The following NME8 variants were observed in gnomAD, a reference collection of about 807,000 sequenced individuals.
The protein encoded by NME8 is NME/NM23 family member 8.
In NME8, 72 loss-of-function variants were observed where a neutral mutation model predicts 82.3. The ratio of observed to expected loss-of-function variants is 0.87; its 90% CI spans 0.72 to 1.06. The LOEUF (loss-of-function observed/expected upper bound fraction) is 1.06, where lower values mean the gene tolerates loss of function less well. Among genes scored for constraint, NME8 ranks in the 50% least tolerant of loss-of-function variants. NME8 has a pLI of 0.00. For missense variants in NME8, 712 were observed against 685.4 expected (o/e 1.04, Z -0.43); for synonymous variants, 267 against 228.5 (o/e 1.17, Z -1.52).
At chr7:37,892,546 T>C (rs1785145498) in intron 15 of NME8, among the ~76,000 whole-genome samples, 1 of 151,836 alleles carries the variant, frequency 6.6e-6, no homozygotes, top group African/African-American at 2.4e-5. Context: ...CACACACGTG[T>C]AGACATGCTT....
intron 16 of NME8, among the ~76,000 whole-genome samples, chr7:37,894,826 T>G (rs1785195874): frequency 6.6e-6 from 1 of 152,026 alleles, no homozygotes; most frequent in Non-Finnish European, 1.5e-5. Flanking sequence ...CTCCCTTTCT[T>G]TCATTCTTTC....
At chr7:37,889,461 AT>A (rs1418459537) in intron 15 of NME8, among the ~76,000 whole-genome samples, 9 of 151,128 alleles carry the variant, frequency 6.0e-5, no homozygotes, top group Non-Finnish European at 1.2e-4. Context: ...TCAACTTTTA[AT>A]TTTTATTGAT....
rs116787338 is a variant in NME8 at position 37,881,580 on chromosome 7, C to T, written c.995-2723C>T. 7.9e-3 allele frequency among the ~76,000 whole-genome samples: 1,206 copies of T among 152,200 alleles called. 14 individuals are homozygous for T. Among genetic ancestry groups the T allele is most frequent in the African/African-American group, 0.027 (1,131 of 41,508 alleles). ...TAATATTTTGTTAAGAATTTCTGCT[C>T]CTATGTTCATGAGAGCTATTGGTCT... On this transcript the variant is annotated intron_variant, in intron 12 of 17. Transcript: ENST00000199447.
chr7:37,876,233 G>T (rs368244547), intron 11 of NME8, among the ~76,000 whole-genome samples: 485 of 61,950 alleles, frequency 7.8e-3, no homozygotes, highest in East Asian at 0.041. Flanking sequence ...TATATATATA[G>T]ATAGATAGAT....
chr7:37,883,699 A>C (rs987201209), intron 12 of NME8, among the ~76,000 whole-genome samples: 2 of 152,180 alleles, frequency 1.3e-5, no homozygotes, highest in Non-Finnish European at 2.9e-5. Context: ...AAGAGTCCCC[A>C]GTGTATTTCC....
chr7:37,892,243 G>GTTATTC (rs1439867237), intron 15 of NME8, among the ~76,000 whole-genome samples: 1 of 151,570 alleles, frequency 6.6e-6, no homozygotes, highest in Non-Finnish European at 1.5e-5. Context: ...CTAGATACAT[G>GTTATTC]TTATTCTTTT....
chr7:37,882,907 A>G (rs965992113), intron 12 of NME8, among the ~76,000 whole-genome samples: 1 of 152,214 alleles, frequency 6.6e-6, no homozygotes, highest in Non-Finnish European at 1.5e-5. Context: ...TATATTCATC[A>G]TGGAATTTAG....
At chr7:37,863,636 T>C (rs1485771192) in intron 8 of NME8, among the ~76,000 whole-genome samples, 174 bp downstream of exon 8, 2 of 152,204 alleles carry the variant, frequency 1.3e-5, no homozygotes, top group Admixed American at 6.5e-5. Context: ...GCACCTTCTT[T>C]TCCTCACTCG....
chr7:37,872,027 G>T lies in NME8; in HGVS notation c.818+4129G>T, dbSNP rs1784773638. The stretch of plus-strand genomic sequence containing the variant: ...AGCTCTGTTCAGGTCCCTAGGGCAG[G>T]AGAAGATGAGGGTGGTGTGGTGTTT... On this transcript the variant is annotated intron_variant, in intron 11 of 17. Coordinates refer to ENST00000199447, the MANE Select transcript of NME8 (RefSeq NM_016616.5). Among the ~76,000 whole-genome samples, 3 of 151,952 alleles carry T rather than the reference G, an allele frequency of 2.0e-5. No homozygotes were observed. In the South Asian group the frequency reaches 6.2e-4, roughly 32 times the overall value.
At chr7:37,849,760 A>T (rs532676199) in intron 2 of NME8, among the ~76,000 whole-genome samples, 5 of 151,504 alleles carry the variant, frequency 3.3e-5, no homozygotes, top group Non-Finnish European at 7.4e-5. Flanking sequence ...AGTCACAGGT[A>T]CTCTGGAGGC....
In NME8 at chr7:37,864,379, G is replaced by A. The variant is rs199713986; in HGVS notation, c.486G>A (p.Pro162=). 133 of 1,589,924 alleles carry A rather than the reference G, an allele frequency of 8.4e-5. No individual in the cohort carries two copies. Among genetic ancestry groups the A allele is most frequent in the Non-Finnish European group, 9.5e-5 (110 of 1,161,646 alleles). ...QELYSIAIIK[P]DAVISKKVLE... ...TATACAGTATTGCTATTATCAAACCGGATGCTGTGATTAGTAAAAAAGTTC... is the reference window on the plus strand; with the variant it reads ...TATACAGTATTGCTATTATCAAACCAGATGCTGTGATTAGTAAAAAAGTTC... Residue 162 remains proline (P), a synonymous_variant, in exon 9 of 18, where the codon CCG becomes CCA. Transcript: ENST00000199447.
intron 11 of NME8, among the ~76,000 whole-genome samples, chr7:37,870,003 G>A (rs1260369948): frequency 6.6e-6 from 1 of 152,128 alleles, no homozygotes; most frequent in East Asian, 1.9e-4. Flanking sequence ...GACCAAGAAT[G>A]TAACCACATC....
In NME8 at chr7:37,873,175, C is replaced by T. The variant is rs182712871; in HGVS notation, c.819-3657C>T. ...AGGAGCTCAAGACCAGCCTGGCCAA[C>T]ATGGTGAAACCCCGTCTCTACTAAA... On this transcript the variant is annotated intron_variant, in intron 11 of 17. Transcript: ENST00000199447. 3.3e-3 allele frequency among the ~76,000 whole-genome samples: 503 copies of T among 152,184 alleles called. 7 individuals are homozygous for T. The highest frequency in any genetic ancestry group is 0.011 in the African/African-American group (477 of 41,540).
chr7:37,885,265 C>T lies in NME8; in HGVS notation c.1247+13C>T. 1 of 1,519,124 alleles carries T rather than the reference C, an allele frequency of 6.6e-7. No homozygotes were observed. Among genetic ancestry groups the T allele is most frequent in the South Asian group, 1.1e-5 (1 of 89,002 alleles). The allele number at this position is 1,519,124 out of a possible 1,614,324, so 94.1% of individuals were successfully genotyped here. On this transcript the variant is annotated intron_variant, in intron 14 of 17. Coordinates refer to ENST00000199447, the MANE Select transcript of NME8 (RefSeq NM_016616.5). ...ATTTTCCAGAGAGGTAGGATTCATA[C>T]CATGGGTCACTATCTGTTTTCGTGG...
chr7:37,893,927 T>C (rs1418674199), intron 15 of NME8, among the ~76,000 whole-genome samples: 3 of 152,174 alleles, frequency 2.0e-5, no homozygotes, highest in Non-Finnish European at 4.4e-5. Context: ...TATGTGCTTT[T>C]GATCTGGAGC....
rs577875360 is a variant in NME8, at chr7:37,869,599, G to A, written c.818+1701G>A. On this transcript the variant is annotated intron_variant, in intron 11 of 17. Transcript: ENST00000199447. Reference sequence around the variant, plus strand: ...ATTGGCATGTCAGAAGGAAATGCCAGCAGCTCTCCCTCCAGAACAAGGGCA... The same window carrying A: ...ATTGGCATGTCAGAAGGAAATGCCAACAGCTCTCCCTCCAGAACAAGGGCA... 1.8e-4 allele frequency among the ~76,000 whole-genome samples: 27 copies of A among 152,272 alleles called. No individual in the cohort carries two copies. In the South Asian group the frequency reaches 5.4e-3, roughly 30 times the overall value.
chr7:37,857,184 A>G (rs756851927), intron 5 of NME8, 90 bp from the exon 6 acceptor site: 57 of 1,018,904 alleles, frequency 5.6e-5, no homozygotes, highest in Non-Finnish European at 8.0e-5. Context: ...CCTAAAAATT[A>G]TATATATCTC....
chr7:37,894,531 A>T lies in NME8; in HGVS notation c.1465A>T (p.Thr489Ser). 1 of 1,612,516 alleles carries T rather than the reference A, an allele frequency of 6.2e-7. No individual in the cohort carries two copies. The highest frequency in any genetic ancestry group is 8.5e-7 in the Non-Finnish European group (1 of 1,178,816). ...DLTQVKKMFL[T>S]PEQIEKIYPK... is the part of the protein sequence containing the mutation. ...GACACAGGTGAAGAAAATGTTCCTA[A>T]CTCCTGAGCAAATAGAGAAAATTTA... The change falls in exon 16 of 18, where the codon ACT (threonine) becomes TCT (serine). Residue 489 changes from threonine to serine, a missense_variant. Physicochemically the swap from Thr to Ser is moderately conservative, Grantham distance 58. Coordinates refer to ENST00000199447, the MANE Select transcript of NME8 (RefSeq NM_016616.5).
chr7:37,882,348 G>T (rs1011755471), intron 12 of NME8, among the ~76,000 whole-genome samples: 1 of 151,898 alleles, frequency 6.6e-6, no homozygotes, highest in East Asian at 1.9e-4. Flanking sequence ...GTAGCCGGGC[G>T]TGGTGGCCCA....
Sources: allele counts gnomAD v4.1 joint callset (sites outside exome capture counted in the v4.1 genomes callset), GRCh38; gene constraint gnomAD v4.1.1; transcripts MANE v1.5; gene names NCBI Gene and HGNC (gene_info 2026-07-23, HGNC 2026-07-21).